Variants in SNX7 observed in about 807,000 individuals in gnomAD.
SNX7 encodes sorting nexin 7, also known as sorting nexin-7.
SNX7 carries 35 observed loss-of-function variants against 48.4 expected under a neutral mutation model. That is an observed-to-expected ratio of 0.72 (90% confidence interval 0.55 to 0.96). The LOEUF is 0.96. Among genes scored for constraint, SNX7 ranks in the 40% least tolerant of loss-of-function variants. SNX7 has a pLI of 0.00. For missense variants in SNX7, 553 were observed against 548.9 expected (o/e 1.01, Z -0.07); for synonymous variants, 190 against 190.2 (o/e 1.00, Z 0.01).
intron 7 of SNX7, among the ~76,000 whole-genome samples, chr1:98,724,450 T>G (rs1653061687): frequency 6.6e-6 from 1 of 152,020 alleles, no homozygotes; most frequent in South Asian, 2.1e-4. Flanking sequence ...GAGAATGTTA[T>G]TATTTGTTAA....
intron 1 of SNX7, 77 bp downstream of exon 1, chr1:98,661,988 C>A: frequency 8.1e-7 from 1 of 1,231,352 alleles, no homozygotes; most frequent in East Asian, 3.2e-5. Context: ...CGACGGCTGC[C>A]TCTGGCGCGC....
chr1:98,734,083 G>A (rs894071362), intron 7 of SNX7, among the ~76,000 whole-genome samples: 5 of 151,906 alleles, frequency 3.3e-5, no homozygotes, highest in Non-Finnish European at 5.9e-5. Context: ...CCATTCTTCT[G>A]TCACACTCTG....
At chr1:98,706,891 G>T (rs1430110042) in intron 7 of SNX7, among the ~76,000 whole-genome samples, 1 of 152,108 alleles carries the variant, frequency 6.6e-6, no homozygotes, top group Non-Finnish European at 1.5e-5. Context: ...CAGGTTTAAT[G>T]GGGAAGATAA....
chr1:98,691,231 C>G, intron 3 of SNX7, 46 bp downstream of exon 3: 1 of 1,206,390 alleles, frequency 8.3e-7, no homozygotes, highest in East Asian at 2.5e-5. Flanking sequence ...TACCAGTTTT[C>G]TAGTGAGTCT....
At chr1:98,694,390 A>AG (rs1376612192) in intron 4 of SNX7, among the ~76,000 whole-genome samples, 1 of 150,206 alleles carries the variant, frequency 6.7e-6, no homozygotes, top group Non-Finnish European at 1.5e-5. Context: ...AAAAAAAAAA[A>AG]GTTTTCTCTG....
chr1:98,686,864 A>G (rs377743408), intron 2 of SNX7, among the ~76,000 whole-genome samples: 52 of 152,276 alleles, frequency 3.4e-4, no homozygotes, highest in African/African-American at 1.3e-3. Context: ...TATCCATTCT[A>G]GCAAATAATT....
intron 1 of SNX7, among the ~76,000 whole-genome samples, chr1:98,664,842 A>G (rs1649452521): frequency 6.6e-6 from 1 of 152,190 alleles, no homozygotes; most frequent in South Asian, 2.1e-4. Flanking sequence ...TAGAAGGAAG[A>G]GAACAGAACC....
At position 98,663,667 on chromosome 1, in the gene SNX7, G is replaced by A. The variant is rs117865531; in HGVS notation, c.180+1756G>A. ...TTGCCTAAAGCTCTCTCAGACTAAG[G>A]AATCTAGATCTCCATGGCTCCAATC... On this transcript the variant is annotated intron_variant, in intron 1 of 8. Transcript: ENST00000306121. Among the ~76,000 whole-genome samples the A allele has an allele frequency of 1.1e-4, 16 of 152,194 alleles. No homozygotes were observed. In the East Asian group the frequency reaches 3.1e-3, roughly 29 times the overall value.
chr1:98,759,105 CAGA>C (rs1654998770), intron 8 of SNX7, among the ~76,000 whole-genome samples: 1 of 151,680 alleles, frequency 6.6e-6, no homozygotes, highest in African/African-American at 2.4e-5. Flanking sequence ...GCATTAGAGG[CAGA>C]AGAAGTGACA....
intron 5 of SNX7, among the ~76,000 whole-genome samples, chr1:98,696,939 T>G (rs1651489181): frequency 6.6e-6 from 1 of 152,090 alleles, no homozygotes; most frequent in Non-Finnish European, 1.5e-5. Context: ...AGTTGGGAAA[T>G]ATGTATATTA....
chr1:98,746,976 C>T (rs2101047542), intron 8 of SNX7, among the ~76,000 whole-genome samples: 1 of 151,806 alleles, frequency 6.6e-6, no homozygotes, highest in South Asian at 2.1e-4. Flanking sequence ...ATTTAATTTT[C>T]TGGGTATTTG....
intron 1 of SNX7, among the ~76,000 whole-genome samples, chr1:98,674,789 C>G (rs1382294743): frequency 6.6e-6 from 1 of 152,128 alleles, no homozygotes; most frequent in African/African-American, 2.4e-5. Context: ...GTTTTTCTGA[C>G]AGTGGATGTA....
At chr1:98,717,927 A>T (rs1342495884) in intron 7 of SNX7, among the ~76,000 whole-genome samples, 1 of 152,098 alleles carries the variant, frequency 6.6e-6, no homozygotes, top group Non-Finnish European at 1.5e-5. Context: ...GAGAAAAAAG[A>T]CATATATCCG....
In SNX7 at chr1:98,666,141, A is replaced by G. The variant is rs560790064; in HGVS notation, c.180+4230A>G. On this transcript the variant is annotated intron_variant, in intron 1 of 8. Transcript: ENST00000306121. ...CTGTTGTGTGCCTATATCAGTCATC[A>G]CTCTGATAAAAATCAGAATTCTCTC... is the stretch of plus-strand genomic sequence containing the variant. Among the ~76,000 whole-genome samples the G allele has an allele frequency of 1.5e-3, 233 of 152,288 alleles. 2 individuals are homozygous for G. The highest frequency in any genetic ancestry group is 5.3e-3 in the African/African-American group (220 of 41,550).
At chr1:98,698,627 C>T in intron 5 of SNX7, 79 bp from the exon 6 acceptor site, 11 of 1,284,102 alleles carry the variant, frequency 8.6e-6, no homozygotes, top group Non-Finnish European at 1.2e-5. Flanking sequence ...AAATAAGGCC[C>T]TTTCTTACTC....
intron 8 of SNX7, among the ~76,000 whole-genome samples, chr1:98,744,229 A>AAAAGT (rs1187375929): frequency 6.6e-6 from 1 of 152,006 alleles, no homozygotes; most frequent in Non-Finnish European, 1.5e-5. Flanking sequence ...AAAATTAGAT[A>AAAAGT]AAAGTTAGTT....
Position 98,661,814 on chromosome 1 carries a change from G to C in SNX7, c.83G>C (p.Gly28Ala). The C allele has an allele frequency of 5.6e-6, 7 of 1,245,568 alleles. No homozygotes were observed. The highest frequency in any genetic ancestry group is 7.1e-6 in the Non-Finnish European group (7 of 987,208). The allele number at this position is 1,245,568 out of a possible 1,614,324, so 77.2% of individuals were successfully genotyped here. ...GGANGESPGG[G>A]APFPGSSGSS... ...GCCAACGGGGAGAGCCCGGGGGGCGGCGCCCCCTTTCCGGGCAGCAGTGGC... is the reference window on the plus strand; with the variant it reads ...GCCAACGGGGAGAGCCCGGGGGGCGCCGCCCCCTTTCCGGGCAGCAGTGGC... Residue 28 changes from glycine to alanine, a missense_variant, in exon 1 of 9, where the codon GGC becomes GCC. Physicochemically the swap from Gly to Ala is moderately conservative, Grantham distance 60 (BLOSUM62 0). Transcript: ENST00000306121.
chr1:98,710,715 T>A (rs934138657), intron 7 of SNX7, among the ~76,000 whole-genome samples: 8 of 152,232 alleles, frequency 5.3e-5, no homozygotes. Flanking sequence ...ACGTATCTCT[T>A]TCACTCCTGG....
intron 5 of SNX7, 135 bp downstream of exon 5, chr1:98,695,851 A>G (rs538726565): frequency 7.4e-6 from 5 of 678,698 alleles, no homozygotes; most frequent in South Asian, 7.3e-5. Context: ...CATCTTATGG[A>G]CATTTCTGAT....
Sources: gnomAD v4.1 joint callset for allele counts (sites outside exome capture counted in the v4.1 genomes callset) on GRCh38, gnomAD v4.1.1 for gene constraint, MANE v1.5 for transcripts, NCBI Gene and HGNC (gene_info 2026-07-23, HGNC 2026-07-21) for gene names.